Variants in GRIK4 observed in about 807,000 individuals in gnomAD.
GRIK4 encodes the protein glutamate receptor ionotropic, kainate 4.
In GRIK4, 40 loss-of-function variants were observed where a neutral mutation model predicts 104.9. That is an observed-to-expected ratio of 0.38 (90% confidence interval 0.30 to 0.50). The LOEUF (loss-of-function observed/expected upper bound fraction) is 0.50, where lower values mean the gene tolerates loss of function less well. Among genes scored for constraint, GRIK4 ranks in the 20% least tolerant of loss-of-function variants. GRIK4 has a pLI of 0.93. For synonymous variants in GRIK4, 485 were observed against 524.9 expected, an observed-to-expected ratio of 0.92 and a Z score of 1.04; for missense variants, 1,047 against 1,308.1, an observed-to-expected ratio of 0.80 and a Z score of 3.08.
intron 3 of GRIK4, among the ~76,000 whole-genome samples, chr11:120,733,755 T>A (rs1265000728): frequency 6.6e-6 from 1 of 150,680 alleles, no homozygotes; most frequent in East Asian, 2.0e-4. Flanking sequence ...TTTTTTTTTT[T>A]GAGATGGAGT....
intron 14 of GRIK4, among the ~76,000 whole-genome samples, chr11:120,951,206 C>T (rs368504387): frequency 6.6e-5 from 10 of 152,150 alleles, no homozygotes; most frequent in Admixed American, 2.0e-4. Context: ...GCAGGCCCAC[C>T]GGCTCCCTAA....
chr11:120,772,076 G>C (rs899835908), intron 3 of GRIK4, among the ~76,000 whole-genome samples: 2 of 152,194 alleles, frequency 1.3e-5, no homozygotes, highest in African/African-American at 4.8e-5. Context: ...AAGCCTTTGG[G>C]GCAGGACCAC....
At chr11:120,655,193 A>T (rs1052660731) in intron 2 of GRIK4, among the ~76,000 whole-genome samples, 1 of 151,850 alleles carries the variant, frequency 6.6e-6, no homozygotes, top group Non-Finnish European at 1.5e-5. Flanking sequence ...ATGTTAGGGT[A>T]TGGTGGCAGC....
At chr11:120,537,903 GAGAGGAT>G (rs894189460) in intron 1 of GRIK4, among the ~76,000 whole-genome samples, 1 of 152,056 alleles carries the variant, frequency 6.6e-6, no homozygotes, top group Non-Finnish European at 1.5e-5. Flanking sequence ...TTTCCTTGTG[GAGAGGAT>G]AGACCTAGAG....
At chr11:120,640,031 C>A (rs560687809) in intron 1 of GRIK4, among the ~76,000 whole-genome samples, 1 of 152,316 alleles carries the variant, frequency 6.6e-6, no homozygotes, top group East Asian at 1.9e-4. Flanking sequence ...TCCCATCCCT[C>A]TGCTTCCCAT....
intron 3 of GRIK4, among the ~76,000 whole-genome samples, chr11:120,745,739 T>C (rs1951427259): frequency 6.6e-6 from 1 of 152,196 alleles, no homozygotes; most frequent in African/African-American, 2.4e-5. Context: ...GAAAGATCTT[T>C]TGGGAATTGG....
chr11:120,878,324 A>G (rs1018530340), intron 11 of GRIK4, among the ~76,000 whole-genome samples: 6 of 152,218 alleles, frequency 3.9e-5, no homozygotes, highest in African/African-American at 1.2e-4. Flanking sequence ...AGGAATCCGC[A>G]TAATTTTAAC....
At chr11:120,871,466 T>C in intron 9 of GRIK4, 1 of 383,416 alleles carries the variant, frequency 2.6e-6, no homozygotes, top group Non-Finnish European at 5.2e-6. Flanking sequence ...AGATGATGGA[T>C]GGAGGGACTC....
At chr11:120,559,370 C>A (rs925649588) in intron 1 of GRIK4, among the ~76,000 whole-genome samples, 1 of 152,198 alleles carries the variant, frequency 6.6e-6, no homozygotes, top group Non-Finnish European at 1.5e-5. Flanking sequence ...GGGCACTGAG[C>A]AGAGTGGGCC....
chr11:120,673,822 A>G (rs1304220636), intron 3 of GRIK4, among the ~76,000 whole-genome samples: 3 of 152,154 alleles, frequency 2.0e-5, no homozygotes, highest in Non-Finnish European at 2.9e-5. Context: ...TGGTAGTTTC[A>G]GGAAACTGGG....
rs150911957 is a variant in GRIK4 at position 120,908,316 on chromosome 11, A to G, written c.1476+2823A>G. ...CCTAAGCTAAAATTTCAGTTCATTC[A>G]TTTACTAGCTGTGTGTGCTTAAACA... On this transcript the variant is annotated intron_variant, in intron 13 of 20. Coordinates refer to ENST00000527524, the MANE Select transcript of GRIK4 (RefSeq NM_014619.5). 1.7e-3 allele frequency among the ~76,000 whole-genome samples: 252 copies of G among 152,238 alleles called. 1 individual carries two copies. Among genetic ancestry groups the G allele is most frequent in the Non-Finnish European group, 2.4e-3 (165 of 68,018 alleles).
At chr11:120,638,943 TC>T (rs1949434397) in intron 1 of GRIK4, among the ~76,000 whole-genome samples, 1 of 151,660 alleles carries the variant, frequency 6.6e-6, no homozygotes. Flanking sequence ...ATGCCTGTAA[TC>T]CCAGCACTTT....
At chr11:120,778,701 A>G (rs913955922) in intron 3 of GRIK4, among the ~76,000 whole-genome samples, 2 of 152,202 alleles carry the variant, frequency 1.3e-5, no homozygotes, top group African/African-American at 4.8e-5. Flanking sequence ...TCTGATGGGG[A>G]ATTGGGAGCT....
intron 3 of GRIK4, among the ~76,000 whole-genome samples, chr11:120,783,150 G>A (rs1952194123): frequency 6.6e-6 from 1 of 152,196 alleles, no homozygotes; most frequent in Non-Finnish European, 1.5e-5. Context: ...GAATTACCCA[G>A]CCCCACGTCA....
chr11:120,795,862 A>T (rs1485851022), intron 3 of GRIK4, among the ~76,000 whole-genome samples: 2 of 152,080 alleles, frequency 1.3e-5, no homozygotes, highest in African/African-American at 4.8e-5. Flanking sequence ...CCTTGTGTAA[A>T]ATGCGTAGTA....
At chr11:120,974,999 A>G (rs983010969) in intron 19 of GRIK4, among the ~76,000 whole-genome samples, 5 of 152,226 alleles carry the variant, frequency 3.3e-5, no homozygotes, top group Non-Finnish European at 7.3e-5. Flanking sequence ...TTGCAGAACA[A>G]TTGCTAGACA....
chr11:120,596,681 A>G (rs1948805838), intron 1 of GRIK4, among the ~76,000 whole-genome samples: 1 of 152,016 alleles, frequency 6.6e-6, no homozygotes, highest in South Asian at 2.1e-4. Flanking sequence ...TGTGTAGGGA[A>G]AATGAGGGCA....
In GRIK4 at chr11:120,628,043, A is replaced by G. The variant is rs540029501; in HGVS notation, c.-158-25642A>G. ...GTATATGAAGCTCTTTGAAAGGCAC[A>G]AAGGGCTGTATGAGTGTCAGCCTCC... On this transcript the variant is annotated intron_variant, in intron 1 of 20. Coordinates refer to ENST00000527524, the MANE Select transcript of GRIK4 (RefSeq NM_014619.5). Among the ~76,000 whole-genome samples the G allele has an allele frequency of 1.5e-3, 224 of 152,332 alleles. 3 individuals are homozygous for G. In the Middle Eastern group the frequency reaches 0.017, roughly 12 times the overall value.
At chr11:120,794,449 A>C (rs1317234920) in intron 3 of GRIK4, among the ~76,000 whole-genome samples, 2 of 151,986 alleles carry the variant, frequency 1.3e-5, no homozygotes, top group South Asian at 2.1e-4. Context: ...TTGAAGCCCC[A>C]CCCCCTAAGA....
Sources: gnomAD v4.1 joint callset for allele counts (sites outside exome capture counted in the v4.1 genomes callset) on GRCh38, gnomAD v4.1.1 for gene constraint, MANE v1.5 for transcripts, NCBI Gene and HGNC (gene_info 2026-07-23, HGNC 2026-07-21) for gene names.